The following TENM3 variants were observed in gnomAD, a reference collection of about 807,000 sequenced individuals.
TENM3 encodes teneurin transmembrane protein 3, also known as teneurin-3.
In TENM3, 63 loss-of-function variants were observed where a neutral mutation model predicts 255.1. The observed-to-expected ratio is 0.25, with a 90% confidence interval of 0.20 to 0.30. The LOEUF is 0.30. Among genes scored for constraint, TENM3 ranks in the 10% least tolerant of loss-of-function variants. The probability of loss-of-function intolerance (pLI) is 1.00; values close to 1 mark genes in which losing one functional copy is unlikely to be tolerated. For synonymous variants in TENM3, 1,306 were observed against 1,322.3 expected, an observed-to-expected ratio of 0.99 and a Z score of 0.27; for missense variants, 2,929 against 3,461.1, an observed-to-expected ratio of 0.85 and a Z score of 3.86.
chr4:182,632,253 C>CT (rs1297040863), intron 5 of TENM3, among the ~76,000 whole-genome samples: 1 of 152,034 alleles, frequency 6.6e-6, no homozygotes, highest in African/African-American at 2.4e-5. Flanking sequence ...TTTCTTGTAC[C>CT]TGTGTCCGTG....
At chr4:182,027,415 G>T in the TENM3 span, among the ~76,000 whole-genome samples, 1 of 151,900 alleles carries the variant, frequency 6.6e-6, no homozygotes. Context: ...CATATCATCC[G>T]CAAACAAGGA....
the TENM3 span, among the ~76,000 whole-genome samples, chr4:181,654,754 C>CAAA: frequency 2.7e-4 from 25 of 92,922 alleles, 1 homozygote; most frequent in Non-Finnish European, 3.6e-4. Flanking sequence ...AACTCCATCT[C>CAAA]AAAAAAAAAA....
chr4:181,932,607 G>A, the TENM3 span, among the ~76,000 whole-genome samples: 553 of 152,306 alleles, frequency 3.6e-3, 4 homozygotes, highest in Middle Eastern at 0.017. Flanking sequence ...ACAGTGTGGC[G>A]ATTCCTCAAG....
intron 3 of TENM3, among the ~76,000 whole-genome samples, chr4:182,418,577 T>A (rs1263564900): frequency 6.6e-6 from 1 of 152,046 alleles, no homozygotes; most frequent in East Asian, 1.9e-4. Flanking sequence ...TGTTTGTGTT[T>A]TTGAGACGGG....
At chr4:181,476,864 G>A in the TENM3 span, among the ~76,000 whole-genome samples, 1 of 152,076 alleles carries the variant, frequency 6.6e-6, no homozygotes, top group Non-Finnish European at 1.5e-5. Flanking sequence ...ACAGTCTCTG[G>A]ATGGGATTTG....
chr4:182,169,357 G>A (rs760149578), intron 1 of TENM3: 1 of 469,240 alleles, frequency 2.1e-6, no homozygotes, highest in South Asian at 1.6e-5. Flanking sequence ...CAACTCTAAT[G>A]GGAGAGACAG....
intron 3 of TENM3, among the ~76,000 whole-genome samples, chr4:182,592,372 C>T (rs754927510): frequency 5.9e-5 from 9 of 152,146 alleles, no homozygotes; most frequent in Non-Finnish European, 8.8e-5. Context: ...AACCAACTCT[C>T]GTTTTGTCCT....
intron 3 of TENM3, among the ~76,000 whole-genome samples, chr4:182,370,565 C>G (rs2150851680): frequency 6.6e-6 from 1 of 152,278 alleles, no homozygotes. Flanking sequence ...TCCCCTTTCT[C>G]TTTCACATAC....
intron 3 of TENM3, among the ~76,000 whole-genome samples, chr4:182,444,813 A>G (rs1303024242): frequency 6.6e-6 from 1 of 152,022 alleles, no homozygotes; most frequent in African/African-American, 2.4e-5. Context: ...TTTTGTTGCG[A>G]TGGAGTTTTG....
At chr4:182,533,583 T>A (rs1417741436) in intron 3 of TENM3, among the ~76,000 whole-genome samples, 2 of 150,168 alleles carry the variant, frequency 1.3e-5, no homozygotes, top group African/African-American at 4.9e-5. Flanking sequence ...TTTTTCCAGG[T>A]CACCTGGGAA....
At chr4:182,709,814 A>G (rs74523625) in intron 12 of TENM3, among the ~76,000 whole-genome samples, 15 of 152,290 alleles carry the variant, frequency 9.8e-5, no homozygotes, top group Non-Finnish European at 1.8e-4. Context: ...TATCTTTCTC[A>G]GTACAGATAT....
chr4:182,751,900 C>T lies in TENM3; in HGVS notation c.3730C>T (p.Leu1244Phe). The change falls in exon 20 of 28, where the codon CTT becomes TTT. Residue 1244 changes from leucine (L) to phenylalanine (F), a missense_variant. Leu to Phe is a conservative substitution (Grantham distance 22). Around this residue, in one of 6 missense-constraint regions of TENM3, gnomAD observed 1,608 missense variants for 1,884.4 expected, o/e 0.85. Coordinates refer to ENST00000511685, the MANE Select transcript of TENM3 (RefSeq NM_001080477.4). ...CCGCAGAATTTATCGCCCAAAGTCA[C>T]TTACGGGGGCAAAAGACTTGACTAA... ...NTRRIYRPKS[L>F]TGAKDLTKNA... The T allele has an allele frequency of 1.2e-6, 2 of 1,613,818 alleles. No individual in the cohort carries two copies. The highest frequency in any genetic ancestry group is 8.5e-7 in the Non-Finnish European group (1 of 1,179,860).
At chr4:181,934,950 A>C in the TENM3 span, among the ~76,000 whole-genome samples, 1 of 152,172 alleles carries the variant, frequency 6.6e-6, no homozygotes, top group Non-Finnish European at 1.5e-5. Flanking sequence ...TAAACTCTAT[A>C]TTTTGATTAA....
At chr4:182,241,692 TAG>T (rs2150067882), upstream of TENM3, among the ~76,000 whole-genome samples, 1 of 146,204 alleles carries the variant, frequency 6.8e-6, no homozygotes, top group Non-Finnish European at 1.5e-5. Flanking sequence ...GTATTTTTAG[TAG>T]AGACGGGTTT....
chr4:181,802,312 A>G, the TENM3 span, among the ~76,000 whole-genome samples: 2 of 152,190 alleles, frequency 1.3e-5, no homozygotes, highest in Non-Finnish European at 2.9e-5. Flanking sequence ...CATTACAGAA[A>G]GAATTATGTA....
the TENM3 span, among the ~76,000 whole-genome samples, chr4:181,650,058 T>C: frequency 7.9e-5 from 12 of 152,196 alleles, no homozygotes; most frequent in Admixed American, 1.3e-4. Flanking sequence ...TCAGAGCATA[T>C]GTGCTTCTGA....
At chr4:182,739,645 CTTG>C (rs1439549501) in intron 18 of TENM3, among the ~76,000 whole-genome samples, 2 of 152,140 alleles carry the variant, frequency 1.3e-5, no homozygotes, top group African/African-American at 4.8e-5. Context: ...TTCATTCCTG[CTTG>C]AAACAATTTT....
intron 3 of TENM3, 26 bp from the exon 4 acceptor site, chr4:182,600,898 T>C (rs1360470907): frequency 1.7e-5 from 1 of 59,682 alleles, no homozygotes; most frequent in East Asian, 1.1e-3. Flanking sequence ...GTTCTCTTTC[T>C]TTTTTTTTTT....
At chr4:182,210,886 C>T (rs536931412) in intron 1 of TENM3, among the ~76,000 whole-genome samples, 17 of 152,198 alleles carry the variant, frequency 1.1e-4, no homozygotes, top group Admixed American at 9.2e-4. Context: ...AGAAGATGAC[C>T]CTACAAGGAA....
Sources: allele counts gnomAD v4.1 joint callset (sites outside exome capture counted in the v4.1 genomes callset), GRCh38; gene constraint gnomAD v4.1.1; regional missense constraint gnomAD v4.1.1; transcripts MANE v1.5; gene names NCBI Gene and HGNC (gene_info 2026-07-23, HGNC 2026-07-21).